The following PUF60 variants were observed in gnomAD, a reference collection of about 807,000 sequenced individuals.
PUF60 encodes the protein poly(U) binding splicing factor 60.
In PUF60, 10 loss-of-function variants were observed where a neutral mutation model predicts 61.8. The observed-to-expected ratio is 0.16, with a 90% CI of 0.10 to 0.27. PUF60 has a LOEUF of 0.27. Among genes scored for constraint, PUF60 ranks in the 10% least tolerant of loss-of-function variants. The pLI is 1.00. For missense variants in PUF60, 371 were observed against 754.0 expected (o/e 0.49, Z 5.95); for synonymous variants, 353 against 300.9 (o/e 1.17, Z -1.79).
chr8:143,826,413 A>AT (rs1236995752), intron 1 of PUF60, among the ~76,000 whole-genome samples: 1 of 152,092 alleles, frequency 6.6e-6, no homozygotes, highest in Non-Finnish European at 1.5e-5. Flanking sequence ...GAAAAAAAAG[A>AT]TTTTTTTAAA....
At chr8:143,825,337 G>A (rs370106910) in intron 1 of PUF60, among the ~76,000 whole-genome samples, 2 of 152,204 alleles carry the variant, frequency 1.3e-5, no homozygotes, top group African/African-American at 4.8e-5. Flanking sequence ...AGGAGGAGCA[G>A]CACCACCAGC....
chr8:143,826,295 C>T (rs766821421), intron 1 of PUF60, among the ~76,000 whole-genome samples: 10 of 152,204 alleles, frequency 6.6e-5, no homozygotes, highest in Non-Finnish European at 1.5e-4. Context: ...ACAAGAAAAG[C>T]AATGTAGGGG....
chr8:143,821,846 G>A lies in PUF60; in HGVS notation c.179C>T (p.Thr60Met), dbSNP rs938236904. 27 of 1,610,998 alleles carry A rather than the reference G, an allele frequency of 1.7e-5. No individual in the cohort carries two copies. The highest frequency in any genetic ancestry group is 4.5e-5 in the East Asian group (2 of 44,852). Residue 60 changes from threonine to methionine, a missense_variant, in exon 3 of 12, where the codon ACG (threonine) becomes ATG (methionine). Physicochemically the swap from Thr to Met is moderately conservative, Grantham distance 81. Around this residue, in one of 13 missense-constraint regions of PUF60, gnomAD observed 16 missense variants for 26.9 expected, o/e 0.60. Transcript: ENST00000526683. ...CTGAAGGGCCTCCTGCTGCTCGGGCGTCAGGGGAGGCAGCCCCAGCTTGGC... is the reference window on the plus strand; with the variant it reads ...CTGAAGGGCCTCCTGCTGCTCGGGCATCAGGGGAGGCAGCCCCAGCTTGGC... ...TAAKLGLPPLTPEQQEALQKA... is the reference protein window; with the variant it reads ...TAAKLGLPPLMPEQQEALQKA...
chr8:143,817,348 G>T lies in PUF60; in HGVS notation c.1127C>A (p.Ala376Glu). ...AGACTCACCTGTGATGACTCCAGGTGCCTGGGCAGCCATGACAGCCTGGGG... is the reference window on the plus strand; with the variant it reads ...AGACTCACCTGTGATGACTCCAGGTTCCTGGGCAGCCATGACAGCCTGGGG... Reference protein sequence around the residue: ...TLPQAVMAAQAPGVITGVTPA... With the variant: ...TLPQAVMAAQEPGVITGVTPA... Residue 376 changes from alanine (A) to glutamate (E), a missense_variant, in exon 10 of 12, where the codon GCA becomes GAA. Physicochemically the swap from Ala to Glu is moderately radical, Grantham distance 107. Transcript: ENST00000526683. This position sits in a 1 kb window ranked among gnomAD's most constrained non-coding sequence, Gnocchi z 7.4. 1 of 1,593,880 alleles carries T rather than the reference G, an allele frequency of 6.3e-7. No homozygotes were observed. Among genetic ancestry groups the T allele is most frequent in the Non-Finnish European group, 8.5e-7 (1 of 1,174,228 alleles).
Position 143,818,721 on chromosome 8 carries a change from G to T in PUF60, c.349-187C>A. The T allele has an allele frequency of 1.5e-6, 1 of 657,168 alleles. No homozygotes were observed. The highest frequency in any genetic ancestry group is 1.8e-5 in the African/African-American group (1 of 54,870). The allele number at this position is 657,168 out of a possible 1,614,324, so 40.7% of individuals were successfully genotyped here. ...TCGCAGGACCCCGCCACCCAAAGAA[G>T]GAAGGCCAGGCCCAGCGGCAGGACA... is the stretch of plus-strand genomic sequence containing the variant. On this transcript the variant is annotated intron_variant, in intron 5 of 11. Transcript: ENST00000526683. This position sits in a 1 kb window ranked among gnomAD's most constrained non-coding sequence, Gnocchi z 7.9.
chr8:143,818,475 G>A lies in PUF60; in HGVS notation c.408C>T (p.Ile136=). ...AIMCRVYVGS[I]YYELGEDTIR... ...TGGTGTCCTCCCCCAGCTCATAGTA[G>A]ATAGAGCCCACGTAGACGCGGCACA... The change falls in exon 6 of 12, where the codon ATC becomes ATT. Residue 136 remains isoleucine (I), a synonymous_variant. Coordinates refer to ENST00000526683, the MANE Select transcript of PUF60 (RefSeq NM_078480.3). The surrounding 1 kb of genome is among the most constrained non-coding windows in gnomAD (Gnocchi z 7.9). 1 of 1,610,610 alleles carries A rather than the reference G, an allele frequency of 6.2e-7. No homozygotes were observed. The highest frequency in any genetic ancestry group is 8.5e-7 in the Non-Finnish European group (1 of 1,179,064).
At position 143,817,280 on chromosome 8, in the gene PUF60, G is replaced by T. The variant is rs1816450918; in HGVS notation, c.1144+51C>A. 1 of 1,558,560 alleles carries T rather than the reference G, an allele frequency of 6.4e-7. No individual in the cohort carries two copies. ...GCCAGGCAGCTGAGGGCAGCGAGCC[G>T]AGAGATGCCAGGACAGGAGAGGAGA... is the stretch of plus-strand genomic sequence containing the variant. On this transcript the variant is annotated intron_variant, in intron 10 of 11. Transcript: ENST00000526683. This position sits in a 1 kb window ranked among gnomAD's most constrained non-coding sequence, Gnocchi z 7.4.
At chr8:143,827,930 C>G (rs1414089918) in intron 1 of PUF60, among the ~76,000 whole-genome samples, 2 of 152,204 alleles carry the variant, frequency 1.3e-5, no homozygotes, top group Admixed American at 6.5e-5. Context: ...CCTCCACCTT[C>G]CCATGTCCAG....
intron 1 of PUF60, among the ~76,000 whole-genome samples, chr8:143,825,524 G>A (rs1386627748): frequency 6.6e-6 from 1 of 151,864 alleles, no homozygotes; most frequent in East Asian, 1.9e-4. Flanking sequence ...AGCAGAGGCT[G>A]CCTCTTTTTT....
chr8:143,816,943 G>A lies in PUF60; in HGVS notation c.1347C>T (p.His449=). The part of the protein sequence containing the change: ...HMSISGSSAR[H]MVMQKLLRKQ... The stretch of plus-strand genomic sequence containing the variant: ...TGCGGAGCAGCTTCTGCATCACCAT[G>A]TGTCGGGCGCTACTGCCCGAGATGC... The change falls in exon 11 of 12, where the codon CAC becomes CAT. Residue 449 remains histidine (H), a synonymous_variant. Transcript: ENST00000526683. The A allele has an allele frequency of 1.9e-6, 3 of 1,592,414 alleles. No homozygotes were observed. Among genetic ancestry groups the A allele is most frequent in the Non-Finnish European group, 1.7e-6 (2 of 1,169,996 alleles).
At position 143,816,461 on chromosome 8, in the gene PUF60, TCACTATAAAACC is replaced by T; in HGVS notation, c.*47_*58del. 6.5e-7 allele frequency: 1 copy of T among 1,548,808 alleles called. No individual in the cohort carries two copies. The highest frequency in any genetic ancestry group is 1.4e-5 in the African/African-American group (1 of 73,270). ...GCCTGGCCCCGGGGACACCACTGTATCACTATAAAACCCAGAGGAAACAAGGAACAAGTGCAA... is the reference window on the plus strand; with the variant it reads ...GCCTGGCCCCGGGGACACCACTGTATCAGAGGAAACAAGGAACAAGTGCAA... On this transcript the variant is annotated 3_prime_UTR_variant, in exon 12 of 12. Transcript: ENST00000526683.
At position 143,824,276 on chromosome 8, in the gene PUF60, G is replaced by A. The variant is rs1008891292; in HGVS notation, c.111+37C>T. ...CAGGCGGGCGGGCGGGCGGGCAGGC[G>A]GGCGGGCCTGAGGGAGAGGATGCTT... On this transcript the variant is annotated intron_variant, in intron 2 of 11. Transcript: ENST00000526683. 17 of 1,540,086 alleles carry A rather than the reference G, an allele frequency of 1.1e-5. No homozygotes were observed. In the East Asian group the frequency reaches 1.5e-4, roughly 13 times the overall value.
chr8:143,821,564 G>A, intron 4 of PUF60, 33 bp downstream of exon 4: 1 of 1,512,210 alleles, frequency 6.6e-7, no homozygotes, highest in South Asian at 1.2e-5. Flanking sequence ...GGCTGTGGTG[G>A]GGAGGGCGGT....
chr8:143,821,983 A>C, intron 2 of PUF60, 70 bp from the exon 3 acceptor site: 3 of 1,183,156 alleles, frequency 2.5e-6, no homozygotes, highest in South Asian at 1.5e-5. Context: ...CAGGAGGGCC[A>C]CCCCTAGCAC....
intron 1 of PUF60, chr8:143,829,047 C>T: frequency 9.9e-7 from 1 of 1,011,680 alleles, no homozygotes; most frequent in Non-Finnish European, 1.2e-6. Context: ...CGCCCAGGCC[C>T]CCGCCCCGCC....
chr8:143,822,400 T>G, intron 2 of PUF60: 2 of 420,394 alleles, frequency 4.8e-6, no homozygotes, highest in East Asian at 1.5e-4. Flanking sequence ...TTCCCTGGAG[T>G]TTCAAGGGGC....
chr8:143,827,772 T>C (rs1817798006), intron 1 of PUF60, among the ~76,000 whole-genome samples: 1 of 152,228 alleles, frequency 6.6e-6, no homozygotes, highest in Admixed American at 6.5e-5. Context: ...GACAACCCGT[T>C]CGTGGGGTCA....
intron 2 of PUF60, chr8:143,822,877 C>T (rs1052060054): frequency 3.2e-5 from 10 of 316,668 alleles, no homozygotes; most frequent in Non-Finnish European, 5.0e-5. Flanking sequence ...CCGGGCCCTC[C>T]GAGACTTCCA....
chr8:143,826,950 T>G, intron 1 of PUF60: 1 of 195,648 alleles, frequency 5.1e-6, no homozygotes, highest in Non-Finnish European at 1.1e-5. Flanking sequence ...ACATCCAGTG[T>G]CAGATACCCA....
Sources: allele counts gnomAD v4.1 joint callset (sites outside exome capture counted in the v4.1 genomes callset), GRCh38; gene constraint gnomAD v4.1.1; regional missense constraint gnomAD v4.1.1; non-coding constraint Gnocchi (gnomAD v3.1); transcripts MANE v1.5; gene names NCBI Gene and HGNC (gene_info 2026-07-23, HGNC 2026-07-21).